Variants in BMP6 observed in about 807,000 individuals in gnomAD.
BMP6 encodes the protein bone morphogenetic protein 6.
BMP6 carries 17 observed loss-of-function variants against 54.1 expected under a neutral mutation model. The observed-to-expected ratio is 0.31, with a 90% CI of 0.22 to 0.47. BMP6 has a LOEUF of 0.47. Ranked by LOEUF, BMP6 falls within the 20% of genes least tolerant of loss-of-function variation. BMP6 has a pLI of 1.00. For synonymous variants in BMP6, 328 were observed against 291.2 expected, an observed-to-expected ratio of 1.13 and a Z score of -1.28; for missense variants, 720 against 690.4, an observed-to-expected ratio of 1.04 and a Z score of -0.48.
intron 1 of BMP6, among the ~76,000 whole-genome samples, chr6:7,761,811 T>C (rs1333536863): frequency 6.6e-6 from 1 of 152,236 alleles, no homozygotes; most frequent in Non-Finnish European, 1.5e-5. Context: ...CGCTCAGTTG[T>C]CATTTGTCAT....
chr6:7,857,182 A>G (rs1349080324), intron 2 of BMP6, among the ~76,000 whole-genome samples: 1 of 152,228 alleles, frequency 6.6e-6, no homozygotes, highest in Non-Finnish European at 1.5e-5. Flanking sequence ...CACAAACACC[A>G]ATTCTACTAG....
chr6:7,776,578 C>G (rs1411324547), intron 1 of BMP6, among the ~76,000 whole-genome samples: 1 of 152,198 alleles, frequency 6.6e-6, no homozygotes, highest in Non-Finnish European at 1.5e-5. Flanking sequence ...TTCTCTAAAA[C>G]TTGTTCCTAT....
chr6:7,730,983 A>G (rs982840566), intron 1 of BMP6, among the ~76,000 whole-genome samples: 12 of 152,228 alleles, frequency 7.9e-5, no homozygotes, highest in African/African-American at 2.9e-4. Flanking sequence ...AAACACCCCG[A>G]GCCTTGTAAG....
At chr6:7,861,056 G>T (rs1759324772) in intron 2 of BMP6, among the ~76,000 whole-genome samples, 1 of 151,278 alleles carries the variant, frequency 6.6e-6, no homozygotes, top group Non-Finnish European at 1.5e-5. Flanking sequence ...CTGCACTACA[G>T]CCTAGGTGAC....
chr6:7,738,001 T>C (rs762672187), intron 1 of BMP6, among the ~76,000 whole-genome samples: 13 of 152,178 alleles, frequency 8.5e-5, no homozygotes, highest in Non-Finnish European at 1.8e-4. Flanking sequence ...AATATCTTGT[T>C]CAAGCCACTT....
chr6:7,845,326 A>C lies in BMP6; in HGVS notation c.851A>C (p.Gln284Pro). The change falls in exon 2 of 7, where the codon CAG becomes CCG. Residue 284 changes from glutamine to proline, a missense_variant. Gln to Pro is a moderately conservative substitution (Grantham distance 76). Coordinates refer to ENST00000283147, the MANE Select transcript of BMP6 (RefSeq NM_001718.6). Reference protein sequence around the residue: ...ISIYQVLQEHQHRDSDLFLLD... With the variant: ...ISIYQVLQEHPHRDSDLFLLD... ...ATTTATCAAGTCTTACAGGAGCATC[A>C]GCACAGGTATGAAGGCTCGAGAAAG... is the stretch of plus-strand genomic sequence containing the variant. The C allele has an allele frequency of 1.9e-6, 3 of 1,613,732 alleles. No individual in the cohort carries two copies. The highest frequency in any genetic ancestry group is 2.5e-6 in the Non-Finnish European group (3 of 1,179,736).
chr6:7,739,723 A>G (rs989211090), intron 1 of BMP6, among the ~76,000 whole-genome samples: 1 of 152,038 alleles, frequency 6.6e-6, no homozygotes, highest in Non-Finnish European at 1.5e-5. Flanking sequence ...TTTCCTTCCC[A>G]CTGTCTTCTC....
chr6:7,746,339 T>C (rs1045876990), intron 1 of BMP6, among the ~76,000 whole-genome samples: 1 of 152,190 alleles, frequency 6.6e-6, no homozygotes, highest in African/African-American at 2.4e-5. Context: ...TTAGTAAGAC[T>C]GTGGAATGAC....
intron 2 of BMP6, among the ~76,000 whole-genome samples, chr6:7,845,894 A>G (rs944487312): frequency 7.9e-5 from 12 of 152,206 alleles, no homozygotes; most frequent in South Asian, 2.1e-4. Context: ...TTACAAAAGA[A>G]CTGCAGTGAA....
chr6:7,810,774 A>G (rs1189919939), intron 1 of BMP6, among the ~76,000 whole-genome samples: 1 of 152,212 alleles, frequency 6.6e-6, no homozygotes, highest in African/African-American at 2.4e-5. Flanking sequence ...AGAAGGGAAC[A>G]CTCAAAGTAT....
chr6:7,775,359 C>G (rs1193131815), intron 1 of BMP6, among the ~76,000 whole-genome samples: 1 of 152,188 alleles, frequency 6.6e-6, no homozygotes. Context: ...GGTCACAGAG[C>G]TGCTGAAGTG....
intron 1 of BMP6, among the ~76,000 whole-genome samples, chr6:7,773,439 T>C (rs935488189): frequency 2.0e-5 from 3 of 152,134 alleles, no homozygotes; most frequent in Non-Finnish European, 2.9e-5. Flanking sequence ...AGGGAGAGAC[T>C]GGAAGGCAGA....
intron 4 of BMP6, among the ~76,000 whole-genome samples, chr6:7,863,099 T>C (rs1436162404): frequency 3.9e-5 from 6 of 152,068 alleles, no homozygotes; most frequent in South Asian, 2.1e-4. Context: ...CCTGGGTTCA[T>C]GCCATTCTTC....
Position 7,761,826 on chromosome 6 carries a change from T to C in BMP6, c.664+34207T>C, listed in dbSNP as rs1484250597. ...CGCTCAGTTGTCATTTGTCATTTGT[T>C]ATTGTCTCATTGCCCCCACTTGTCC... On this transcript the variant is annotated intron_variant, in intron 1 of 6. Coordinates refer to ENST00000283147, the MANE Select transcript of BMP6 (RefSeq NM_001718.6). 5.3e-5 allele frequency among the ~76,000 whole-genome samples: 8 copies of C among 152,360 alleles called. No individual in the cohort carries two copies. In the East Asian group the frequency reaches 1.5e-3, roughly 29 times the overall value.
At chr6:7,767,111 C>T (rs554947555) in intron 1 of BMP6, among the ~76,000 whole-genome samples, 2 of 151,454 alleles carry the variant, frequency 1.3e-5, no homozygotes, top group Non-Finnish European at 2.9e-5. Context: ...CTCAGCTCTC[C>T]GAGTAGCTGG....
intron 1 of BMP6, among the ~76,000 whole-genome samples, chr6:7,766,908 T>C (rs1489269640): frequency 6.6e-6 from 1 of 151,904 alleles, no homozygotes; most frequent in East Asian, 1.9e-4. Context: ...CCCAGTAAGG[T>C]ATAAATCAAA....
chr6:7,727,520 GC>G lies in BMP6; in HGVS notation c.570del (p.Gly191AspfsTer10). On this transcript the variant is annotated frameshift_variant, in exon 1 of 7. Coordinates refer to ENST00000283147, the MANE Select transcript of BMP6 (RefSeq NM_001718.6). LOFTEE classifies it high-confidence loss of function. ...AHPLNRKSLL[A>X]PGSGSGGASP... ...CCCGCTCAACCGCAAGAGCCTTCTG[GC>G]CCCCGGATCTGGCAGCGGCGGCGCG... 6.3e-7 allele frequency: 1 copy of G among 1,596,136 alleles called. No homozygotes were observed.
chr6:7,803,831 C>T (rs1167848498), intron 1 of BMP6, among the ~76,000 whole-genome samples: 3 of 152,106 alleles, frequency 2.0e-5, no homozygotes, highest in Non-Finnish European at 4.4e-5. Flanking sequence ...CCTCTCTTAG[C>T]AGTTACATAA....
chr6:7,811,012 G>T (rs1327994115), intron 1 of BMP6, among the ~76,000 whole-genome samples: 1 of 152,202 alleles, frequency 6.6e-6, no homozygotes, highest in Non-Finnish European at 1.5e-5. Context: ...GGGCCTGATA[G>T]GTACCCCCAT....
Sources: allele counts gnomAD v4.1 joint callset (sites outside exome capture counted in the v4.1 genomes callset), GRCh38; gene constraint gnomAD v4.1.1; transcripts MANE v1.5; gene names NCBI Gene and HGNC (gene_info 2026-07-23, HGNC 2026-07-21).